Variants in LRBA observed in about 807,000 individuals in gnomAD.
LRBA encodes LPS responsive beige-like anchor protein, also known as lipopolysaccharide-responsive and beige-like anchor protein.
In LRBA, 176 loss-of-function variants were observed where a neutral mutation model predicts 330.0. The observed-to-expected ratio is 0.53, with a 90% CI of 0.47 to 0.60. LRBA has a LOEUF of 0.60. Ranked by LOEUF, LRBA falls within the 20% of genes least tolerant of loss-of-function variation. The pLI is 0.00. For synonymous variants in LRBA, 1,230 were observed against 1,193.0 expected (o/e 1.03, Z -0.64); for missense variants, 3,259 against 3,444.8 (o/e 0.95, Z 1.35).
chr4:150,529,475 T>C (rs1238211948), intron 40 of LRBA, among the ~76,000 whole-genome samples: 1 of 152,152 alleles, frequency 6.6e-6, no homozygotes, highest in African/African-American at 2.4e-5. Flanking sequence ...CCCATCACTT[T>C]GGGAGGCCAA....
intron 4 of LRBA, among the ~76,000 whole-genome samples, chr4:150,921,951 A>G (rs1474021266): frequency 6.6e-6 from 1 of 152,094 alleles, no homozygotes; most frequent in Non-Finnish European, 1.5e-5. Flanking sequence ...GTCTCGAACC[A>G]ACCTCAGGTG....
chr4:150,877,255 ATC>A, intron 17 of LRBA, among the ~76,000 whole-genome samples: 1 of 144,610 alleles, frequency 6.9e-6, no homozygotes. Flanking sequence ...AAGACTCCGT[ATC>A]AAAAAAAAAA....
intron 35 of LRBA, among the ~76,000 whole-genome samples, chr4:150,760,591 C>T (rs6831200): frequency 0.88 from 133,064 of 151,980 alleles, 58,631 homozygotes; most frequent in Non-Finnish European, 0.94. Flanking sequence ...ATATCCTGTA[C>T]ACCTTCCCAC....
intron 52 of LRBA, among the ~76,000 whole-genome samples, chr4:150,303,258 T>A (rs1729903662): frequency 6.6e-6 from 1 of 152,258 alleles, no homozygotes; most frequent in Non-Finnish European, 1.5e-5. Flanking sequence ...GAAGATTTAA[T>A]GTATTTCTTG....
chr4:150,369,185 A>G (rs1739902755), intron 47 of LRBA, among the ~76,000 whole-genome samples: 1 of 152,228 alleles, frequency 6.6e-6, no homozygotes, highest in Admixed American at 6.5e-5. Context: ...TCATTAAAAT[A>G]TTACATATTA....
chr4:150,504,509 C>A (rs1012190368), intron 40 of LRBA, among the ~76,000 whole-genome samples: 1 of 152,048 alleles, frequency 6.6e-6, no homozygotes, highest in Admixed American at 6.5e-5. Flanking sequence ...CATAAGTGAA[C>A]AAGAAATAAA....
At chr4:150,722,016 T>C (rs1729003318) in intron 36 of LRBA, among the ~76,000 whole-genome samples, 1 of 152,134 alleles carries the variant, frequency 6.6e-6, no homozygotes. Context: ...AATTCTTCAA[T>C]TCCTACGGGG....
At chr4:150,816,897 C>G (rs1744678181) in intron 31 of LRBA, among the ~76,000 whole-genome samples, 1 of 151,946 alleles carries the variant, frequency 6.6e-6, no homozygotes, top group South Asian at 2.1e-4. Context: ...CTAGCAGCAT[C>G]TAATCTACCA....
intron 46 of LRBA, among the ~76,000 whole-genome samples, chr4:150,430,170 T>A (rs1367959476): frequency 6.6e-6 from 1 of 152,166 alleles, no homozygotes; most frequent in South Asian, 2.1e-4. Context: ...ATCTTAAATG[T>A]ATCCACATTT....
At chr4:150,911,123 T>C (rs550169665) in intron 9 of LRBA, among the ~76,000 whole-genome samples, 7 of 152,314 alleles carry the variant, frequency 4.6e-5, no homozygotes, top group Admixed American at 4.6e-4. Flanking sequence ...TATAAGGTCA[T>C]GCCATACGCC....
intron 46 of LRBA, among the ~76,000 whole-genome samples, chr4:150,419,638 T>A (rs1401147029): frequency 1.4e-5 from 2 of 144,740 alleles, no homozygotes; most frequent in African/African-American, 5.1e-5. Flanking sequence ...AATATCTTTT[T>A]TTTTTTTTTT....
Position 150,325,826 on chromosome 4 carries a change from C to T in LRBA, c.7435G>A (p.Gly2479Ser), listed in dbSNP as rs1170672299. 6.2e-6 allele frequency: 10 copies of T among 1,613,226 alleles called. No individual in the cohort carries two copies. Among genetic ancestry groups the T allele is most frequent in the South Asian group, 1.1e-5 (1 of 91,034 alleles). Residue 2479 changes from glycine (G) to serine (S), a missense_variant, in exon 49 of 57, where the codon GGT becomes AGT. Transcript: ENST00000651943. The part of the protein sequence containing the change: ...QLLIEPHPPR[G>S]SAMQVSPLMF... ...GCACTTACCACTTGCATGGCAGAAC[C>T]TCTGGGAGGATGGGGCTCTATGAGT...
chr4:150,434,224 T>C (rs963168772), intron 46 of LRBA, among the ~76,000 whole-genome samples: 12 of 152,180 alleles, frequency 7.9e-5, no homozygotes, highest in Non-Finnish European at 1.8e-4. Context: ...TATCTCATTA[T>C]ACTTAATAGA....
chr4:150,612,534 C>T (rs983539283), intron 37 of LRBA, among the ~76,000 whole-genome samples: 7 of 152,126 alleles, frequency 4.6e-5, no homozygotes, highest in African/African-American at 1.7e-4. Context: ...TAGATACTTT[C>T]TAGTACTTTC....
chr4:150,941,786 C>T (rs1357231859), intron 2 of LRBA, among the ~76,000 whole-genome samples: 1 of 151,672 alleles, frequency 6.6e-6, no homozygotes, highest in Non-Finnish European at 1.5e-5. Context: ...ACTTCAGAAA[C>T]TGAGGCAGGA....
At chr4:150,426,233 A>T (rs980722574) in intron 46 of LRBA, among the ~76,000 whole-genome samples, 5 of 152,144 alleles carry the variant, frequency 3.3e-5, no homozygotes, top group African/African-American at 1.2e-4. Flanking sequence ...TTTTTCCTAC[A>T]GTAAAAGAAA....
chr4:150,614,689 G>A (rs1382514960), intron 37 of LRBA, among the ~76,000 whole-genome samples: 1 of 152,160 alleles, frequency 6.6e-6, no homozygotes, highest in East Asian at 1.9e-4. Flanking sequence ...AAGTCCTAAA[G>A]CTAAGTGTAG....
At chr4:150,893,768 C>T (rs760511363) in intron 16 of LRBA, among the ~76,000 whole-genome samples, 27 of 152,160 alleles carry the variant, frequency 1.8e-4, no homozygotes, top group Non-Finnish European at 3.2e-4. Context: ...CTCTGCATCC[C>T]GGGTTCATGC....
intron 44 of LRBA, among the ~76,000 whole-genome samples, chr4:150,467,339 GA>G (rs1291908773): frequency 6.6e-6 from 1 of 152,028 alleles, no homozygotes; most frequent in Admixed American, 6.6e-5. Context: ...TGTACCACTG[GA>G]TACCCCAGTA....
Sources: gnomAD v4.1 joint callset for allele counts (sites outside exome capture counted in the v4.1 genomes callset) on GRCh38, gnomAD v4.1.1 for gene constraint, MANE v1.5 for transcripts, NCBI Gene and HGNC (gene_info 2026-07-23, HGNC 2026-07-21) for gene names.